The following MIA2 variants were observed in gnomAD, a reference collection of about 807,000 sequenced individuals.
The protein encoded by MIA2 is MIA SH3 domain ER export factor 2.
MIA2 carries 127 observed loss-of-function variants against 167.8 expected under a neutral mutation model. The ratio of observed to expected loss-of-function variants is 0.76; its 90% CI spans 0.66 to 0.88. The LOEUF (loss-of-function observed/expected upper bound fraction) is 0.88. MIA2 is among the 40% of genes least tolerant of loss of function. The pLI is 0.00. For missense variants in MIA2, 1,690 were observed against 1,624.7 expected, an observed-to-expected ratio of 1.04 and a Z score of -0.69; for synonymous variants, 552 against 541.9, an observed-to-expected ratio of 1.02 and a Z score of -0.26.
rs143616030 is a variant in MIA2, at chr14:39,376,420, A to G, written c.2249-10465A>G. Among the ~76,000 whole-genome samples, 342 of 152,322 alleles carry G rather than the reference A, an allele frequency of 2.2e-3. 1 individual carries two copies. The highest frequency in any genetic ancestry group is 7.7e-3 in the African/African-American group (320 of 41,584). On this transcript the variant is annotated intron_variant, in intron 23 of 23. Transcript: ENST00000341502. ...GTTAAATGTTTGAAACTAATATTTT[A>G]ATATATAAATGTTTTTAAAGATAGC... is the stretch of plus-strand genomic sequence containing the variant.
chr14:39,342,853 A>G (rs995756604), intron 25 of MIA2, among the ~76,000 whole-genome samples: 1 of 152,176 alleles, frequency 6.6e-6, no homozygotes, highest in African/African-American at 2.4e-5. Context: ...ATAATGATTA[A>G]AAAAAATTAA....
downstream of MIA2, among the ~76,000 whole-genome samples, chr14:39,351,624 T>A (rs943914384): frequency 1.3e-5 from 2 of 152,106 alleles, no homozygotes; most frequent in African/African-American, 4.8e-5. Flanking sequence ...TGTGCCCTTA[T>A]AAAAGAGGCT....
At chr14:39,297,664 T>TGC (rs1373026040) in intron 13 of MIA2, among the ~76,000 whole-genome samples, 1 of 115,642 alleles carries the variant, frequency 8.6e-6, no homozygotes, top group Non-Finnish European at 1.8e-5. Context: ...TGTAGGGTTT[T>TGC]GCGTGTGTGT....
chr14:39,260,108 T>C (rs867208481), intron 6 of MIA2, among the ~76,000 whole-genome samples: 4 of 152,340 alleles, frequency 2.6e-5, no homozygotes, highest in South Asian at 2.1e-4. Context: ...CAGTCTGTCA[T>C]TGATGGACAT....
chr14:39,266,746 A>G lies in MIA2; in HGVS notation c.1888-10188A>G, dbSNP rs548723120. On this transcript the variant is annotated intron_variant, in intron 6 of 28. Transcript: ENST00000640607. ...GGGTCTCCCGGGGTACGCCGCCGTC[A>G]GGACTTCTGCAGGGCGCAGACAGCA... is the stretch of plus-strand genomic sequence containing the variant. 15 of 982,774 alleles carry G rather than the reference A, an allele frequency of 1.5e-5. No homozygotes were observed. The African/African-American group carries it at 1.9e-4, about 13-fold the overall frequency. 60.9% of individuals were successfully genotyped at this position (982,774 alleles called of 1,614,324 possible).
rs778868998 is a variant in MIA2, at chr14:39,348,927, A to G, written c.4022A>G (p.Asp1341Gly). The G allele has an allele frequency of 1.2e-6, 2 of 1,614,048 alleles. No homozygotes were observed. The highest frequency in any genetic ancestry group is 1.7e-6 in the Non-Finnish European group (2 of 1,179,968). Residue 1341 changes from aspartate to glycine, a missense_variant, in exon 28 of 29, where the codon GAT becomes GGT. Physicochemically the swap from Asp to Gly is moderately conservative, Grantham distance 94. Coordinates refer to ENST00000640607, the MANE Select transcript of MIA2 (RefSeq NM_001329214.4). ...PPGAMFGASR[D>G]YFPPGDFPGP... is the part of the protein sequence containing the mutation. ...GGAGCCATGTTTGGAGCTTCTCGAGATTATTTTCCACCAGGGGATTTCCCA... is the reference window on the plus strand; with the variant it reads ...GGAGCCATGTTTGGAGCTTCTCGAGGTTATTTTCCACCAGGGGATTTCCCA...
chr14:39,344,875 T>C (rs2072875797), intron 25 of MIA2, among the ~76,000 whole-genome samples: 4 of 152,148 alleles, frequency 2.6e-5, no homozygotes, highest in Admixed American at 2.6e-4. Flanking sequence ...CCAGGAATTA[T>C]TAAACCGCAA....
At chr14:39,356,450 C>CT (rs1220409971) in intron 23 of MIA2, among the ~76,000 whole-genome samples, 1 of 152,082 alleles carries the variant, frequency 6.6e-6, no homozygotes. Context: ...CTCATTTCTT[C>CT]TTTATTAGTC....
rs769933092 is a variant in MIA2 at position 39,247,005 on chromosome 14, A to T, written c.431A>T (p.Tyr144Phe). The T allele has an allele frequency of 1.9e-6, 3 of 1,584,870 alleles. No individual in the cohort carries two copies. Among genetic ancestry groups the T allele is most frequent in the African/African-American group, 1.4e-5 (1 of 73,214 alleles). ...GATTATGGTGAAAATATATATCCTT[A>T]TGAAGAAGATAAAGATGAAAAATCT... ...NGDYGENIYPYEEDKDEKSSI... is the reference protein window; with the variant it reads ...NGDYGENIYPFEEDKDEKSSI... Residue 144 changes from tyrosine (Y) to phenylalanine (F), a missense_variant, in exon 4 of 29, where the codon TAT becomes TTT. Tyr to Phe is a conservative substitution (Grantham distance 22). Transcript: ENST00000640607.
chr14:39,271,505 A>C (rs570090907), intron 6 of MIA2, among the ~76,000 whole-genome samples: 1 of 152,110 alleles, frequency 6.6e-6, no homozygotes, highest in East Asian at 1.9e-4. Context: ...TTTCTATATA[A>C]ATTTTAGGAA....
chr14:39,302,931 C>T (rs2099409), intron 15 of MIA2, among the ~76,000 whole-genome samples: 141,519 of 152,174 alleles, frequency 0.93, 65,899 homozygotes, highest in East Asian at 0.96. Flanking sequence ...TTCTCTTCCC[C>T]AGCCCCTGCA....
intron 25 of MIA2, among the ~76,000 whole-genome samples, chr14:39,339,340 G>C (rs2153045066): frequency 6.6e-6 from 1 of 152,184 alleles, no homozygotes; most frequent in South Asian, 2.1e-4. Flanking sequence ...CCTGTCTTAT[G>C]GTGCTGATTG....
intron 9 of MIA2, among the ~76,000 whole-genome samples, chr14:39,289,532 G>A (rs1169026615): frequency 1.3e-5 from 2 of 152,162 alleles, no homozygotes; most frequent in African/African-American, 4.8e-5. Context: ...GTTTTGGTTG[G>A]TAAGGACATT....
At position 39,321,042 on chromosome 14, in the gene MIA2, G is replaced by C. The variant is rs537064251; in HGVS notation, c.3482G>C (p.Gly1161Ala). The C allele has an allele frequency of 3.1e-6, 5 of 1,612,716 alleles. No homozygotes were observed. The highest frequency in any genetic ancestry group is 4.5e-5 in the East Asian group (2 of 44,834). The change falls in exon 24 of 29, where the codon GGG (glycine) becomes GCG (alanine). Residue 1161 changes from glycine (G) to alanine (A), a missense_variant. Coordinates refer to ENST00000640607, the MANE Select transcript of MIA2 (RefSeq NM_001329214.4). ...CTCAGACTCTCACCTTTGCTTCCAGGGGGAGGAGGAAGAGGTATATTGTTT... is the reference window on the plus strand; with the variant it reads ...CTCAGACTCTCACCTTTGCTTCCAGCGGGAGGAGGAAGAGGTATATTGTTT... ...GPLRLSPLLPGGGGRGSRGPG... is the reference protein window; with the variant it reads ...GPLRLSPLLPAGGGRGSRGPG...
chr14:39,324,493 A>G (rs2067072599), intron 24 of MIA2, among the ~76,000 whole-genome samples: 1 of 152,262 alleles, frequency 6.6e-6, no homozygotes, highest in African/African-American at 2.4e-5. Flanking sequence ...ATTACTATAT[A>G]TTAAATGTGA....
intron 12 of MIA2, 140 bp downstream of exon 12, chr14:39,294,211 C>T (rs756474060): frequency 1.8e-6 from 1 of 563,084 alleles, no homozygotes; most frequent in Non-Finnish European, 3.1e-6. Flanking sequence ...TTTAACAATA[C>T]CTAAATGAAT....
chr14:39,377,419 TAGTGATTTC>T (rs1320659455), intron 23 of MIA2, among the ~76,000 whole-genome samples: 1 of 152,130 alleles, frequency 6.6e-6, no homozygotes. Context: ...GCTTAATTTT[TAGTGATTTC>T]AAATCAGGAA....
chr14:39,353,492 G>T (rs1471544972), downstream of MIA2, among the ~76,000 whole-genome samples: 1 of 152,118 alleles, frequency 6.6e-6, no homozygotes, highest in East Asian at 1.9e-4. Flanking sequence ...ATGAATTCCA[G>T]TTCCATCCAT....
chr14:39,275,432 C>G (rs2057859674), intron 6 of MIA2, among the ~76,000 whole-genome samples: 2 of 152,192 alleles, frequency 1.3e-5, no homozygotes, highest in Admixed American at 1.3e-4. Context: ...GCGCCCGGCC[C>G]TAGCTCAATG....
Sources: allele counts gnomAD v4.1 joint callset (sites outside exome capture counted in the v4.1 genomes callset), GRCh38; gene constraint gnomAD v4.1.1; transcripts MANE v1.5; gene names NCBI Gene and HGNC (gene_info 2026-07-23, HGNC 2026-07-21).